The following DOCK3 variants were observed in gnomAD, a reference collection of about 807,000 sequenced individuals.
DOCK3 encodes dedicator of cytokinesis protein 3.
A neutral mutation model predicts 265.6 loss-of-function variants in DOCK3; 60 were observed. That is an observed-to-expected ratio of 0.23 (90% CI 0.18 to 0.28). DOCK3 has a LOEUF of 0.28. Ranked by LOEUF, DOCK3 falls within the 10% of genes least tolerant of loss-of-function variation. The pLI is 1.00. For synonymous variants in DOCK3, 881 were observed against 938.0 expected (o/e 0.94, Z 1.11); for missense variants, 1,981 against 2,594.3 (o/e 0.76, Z 5.14).
chr3:50,770,138 C>T (rs1289140080), intron 1 of DOCK3, among the ~76,000 whole-genome samples: 1 of 151,904 alleles, frequency 6.6e-6, no homozygotes, highest in Non-Finnish European at 1.5e-5. Context: ...AAAGGGCATC[C>T]CTGTTGGAAA....
chr3:50,698,107 T>C (rs2035751598), intron 1 of DOCK3, among the ~76,000 whole-genome samples: 1 of 152,172 alleles, frequency 6.6e-6, no homozygotes, highest in Non-Finnish European at 1.5e-5. Context: ...TGTGCCTCCA[T>C]CACCAGTATC....
At chr3:50,936,248 C>A (rs529515011) in intron 5 of DOCK3, among the ~76,000 whole-genome samples, 1 of 151,684 alleles carries the variant, frequency 6.6e-6, no homozygotes, top group African/African-American at 2.4e-5. Flanking sequence ...TAGAAATTCT[C>A]CAATACAAAT....
chr3:51,117,570 A>G (rs2083795708), intron 9 of DOCK3, among the ~76,000 whole-genome samples: 2 of 152,102 alleles, frequency 1.3e-5, no homozygotes, highest in Non-Finnish European at 2.9e-5. Flanking sequence ...TCTAGTAGAA[A>G]TCGGCTGTGA....
intron 5 of DOCK3, among the ~76,000 whole-genome samples, chr3:50,957,961 T>C (rs1646280323): frequency 6.6e-6 from 1 of 152,194 alleles, no homozygotes; most frequent in Non-Finnish European, 1.5e-5. Context: ...ATTTAGTGTT[T>C]TTTGTTTTTC....
intron 5 of DOCK3, among the ~76,000 whole-genome samples, chr3:51,004,719 T>G (rs947480376): frequency 3.3e-5 from 5 of 150,438 alleles, no homozygotes; most frequent in African/African-American, 1.2e-4. Flanking sequence ...TTTAAGTTTT[T>G]TTTTTTTTTT....
intron 22 of DOCK3, among the ~76,000 whole-genome samples, chr3:51,254,306 A>G (rs1218691393): frequency 6.6e-6 from 1 of 152,186 alleles, no homozygotes; most frequent in Non-Finnish European, 1.5e-5. Context: ...CAATTTTGGA[A>G]TAAGTGCAAT....
At chr3:51,186,986 AGT>A (rs1178023647) in intron 12 of DOCK3, among the ~76,000 whole-genome samples, 3 of 152,042 alleles carry the variant, frequency 2.0e-5, no homozygotes, top group Non-Finnish European at 4.4e-5. Flanking sequence ...CCCCACACAG[AGT>A]CCCTACTGAG....
At chr3:51,228,628 A>G (rs1259860414) in intron 17 of DOCK3, 33 bp from the exon 18 acceptor site, 2 of 1,600,176 alleles carry the variant, frequency 1.2e-6, no homozygotes, top group Non-Finnish European at 1.7e-6. Context: ...TGCATGGCTC[A>G]GGGGACATTT....
chr3:50,965,829 A>G (rs1353029210), intron 5 of DOCK3, among the ~76,000 whole-genome samples: 1 of 152,138 alleles, frequency 6.6e-6, no homozygotes, highest in East Asian at 1.9e-4. Context: ...CAAAGATTGT[A>G]TATATTAAAG....
At chr3:50,930,715 A>G (rs1269785493) in intron 4 of DOCK3, among the ~76,000 whole-genome samples, 1 of 152,104 alleles carries the variant, frequency 6.6e-6, no homozygotes, top group Middle Eastern at 3.2e-3. Context: ...CGGGCCGGCA[A>G]TTGGGAGTGA....
At chr3:51,290,927 AATT>A (rs759632149) in intron 27 of DOCK3, among the ~76,000 whole-genome samples, 3 of 151,982 alleles carry the variant, frequency 2.0e-5, no homozygotes, top group Non-Finnish European at 4.4e-5. Flanking sequence ...AAAATACAAA[AATT>A]AGCCAGGCGT....
intron 5 of DOCK3, among the ~76,000 whole-genome samples, chr3:50,951,874 A>C (rs146459178): frequency 2.0e-5 from 3 of 152,322 alleles, no homozygotes; most frequent in African/African-American, 7.2e-5. Context: ...TTTTGATGCC[A>C]TTATGACCTG....
At chr3:51,037,714 T>C (rs745433291) in intron 5 of DOCK3, among the ~76,000 whole-genome samples, 9 of 152,208 alleles carry the variant, frequency 5.9e-5, no homozygotes, top group Non-Finnish European at 1.3e-4. Flanking sequence ...TATTCATTAA[T>C]CAAATAGTTT....
chr3:51,278,943 A>G (rs915560558), intron 26 of DOCK3, among the ~76,000 whole-genome samples: 22 of 152,264 alleles, frequency 1.4e-4, no homozygotes, highest in Middle Eastern at 3.4e-3. Context: ...TATATTTTGC[A>G]CACATGTATT....
chr3:50,723,271 C>T (rs150723684), intron 1 of DOCK3, among the ~76,000 whole-genome samples: 2 of 152,234 alleles, frequency 1.3e-5, no homozygotes, highest in African/African-American at 4.8e-5. Context: ...GACAGTAAAG[C>T]TAAAGAGACC....
At chr3:50,993,122 A>G (rs2078168403) in intron 5 of DOCK3, among the ~76,000 whole-genome samples, 1 of 152,126 alleles carries the variant, frequency 6.6e-6, no homozygotes, top group East Asian at 1.9e-4. Context: ...TAGTTCTCCT[A>G]TCTCTGGATT....
chr3:50,737,094 G>A (rs2038683135), intron 1 of DOCK3, among the ~76,000 whole-genome samples: 1 of 152,002 alleles, frequency 6.6e-6, no homozygotes, highest in African/African-American at 2.4e-5. Context: ...TGTAGATTCT[G>A]GATATTAGCC....
At chr3:50,885,570 C>T (rs2107689624) in intron 3 of DOCK3, among the ~76,000 whole-genome samples, 1 of 152,218 alleles carries the variant, frequency 6.6e-6, no homozygotes, top group African/African-American at 2.4e-5. Context: ...ATTATTTCTT[C>T]ATGTACTTTT....
chr3:51,004,085 A>G (rs1020552843), intron 5 of DOCK3, among the ~76,000 whole-genome samples: 1 of 152,230 alleles, frequency 6.6e-6, no homozygotes, highest in South Asian at 2.1e-4. Flanking sequence ...GCTTGATGTA[A>G]TGACTTGCCT....
Sources: gnomAD v4.1 joint callset for allele counts (sites outside exome capture counted in the v4.1 genomes callset) on GRCh38, gnomAD v4.1.1 for gene constraint, MANE v1.5 for transcripts, NCBI Gene and HGNC (gene_info 2026-07-23, HGNC 2026-07-21) for gene names.